Variants in ZNF609 observed in about 807,000 individuals in gnomAD.
ZNF609 encodes zinc finger protein 609.
Under a neutral mutation model 109.5 loss-of-function variants are expected in ZNF609, and 11 were observed. That is an observed-to-expected ratio of 0.10 (90% CI 0.06 to 0.17). The LOEUF (loss-of-function observed/expected upper bound fraction) is 0.17, where lower values mean the gene tolerates loss of function less well. Among genes scored for constraint, ZNF609 ranks in the 10% least tolerant of loss-of-function variants. The probability of loss-of-function intolerance (pLI) is 1.00; values close to 1 mark genes in which losing one functional copy is unlikely to be tolerated. For missense variants in ZNF609, 1,559 were observed against 1,772.4 expected (o/e 0.88, Z 2.16); for synonymous variants, 646 against 662.0 (o/e 0.98, Z 0.37).
At chr15:64,598,153 C>T in intron 2 of ZNF609, among the ~76,000 whole-genome samples, 1 of 152,204 alleles carries the variant, frequency 6.6e-6, no homozygotes, top group South Asian at 2.1e-4. Flanking sequence ...CTCGCTCTGT[C>T]ACCCAGGCTG....
chr15:64,588,199 C>A (rs1333462071), intron 2 of ZNF609, among the ~76,000 whole-genome samples: 2 of 148,270 alleles, frequency 1.3e-5, no homozygotes, highest in African/African-American at 2.5e-5. Flanking sequence ...GAGGCCGAGG[C>A]GGGCGGATCA....
chr15:64,576,949 C>CACATAAATAT (rs1894968490), intron 2 of ZNF609, among the ~76,000 whole-genome samples: 5 of 52,228 alleles, frequency 9.6e-5, no homozygotes, highest in South Asian at 4.7e-4. Context: ...TAAATATATA[C>CACATAAATAT]ATATATGTAT....
Position 64,541,421 on chromosome 15 carries a change from C to T in ZNF609, c.747+41255C>T, listed in dbSNP as rs1177565960. 1.4e-4 allele frequency among the ~76,000 whole-genome samples: 18 copies of T among 129,826 alleles called. 1 individual carries two copies. Among genetic ancestry groups the T allele is most frequent in the Non-Finnish European group, 2.2e-4 (14 of 62,640 alleles). 85.2% of individuals were successfully genotyped at this position (129,826 alleles called of 152,430 possible). A position where few individuals can be genotyped will look rare whatever the true frequency, so the allele number is the denominator to read the frequency against. On this transcript the variant is annotated intron_variant, in intron 2 of 9. Coordinates refer to ENST00000326648, the MANE Select transcript of ZNF609 (RefSeq NM_015042.2). ...CAGCCTGGGCGACAGAGCGAGACTCCGTCTCAAAAAAAAAAAAAAAAAAAG... is the reference window on the plus strand; with the variant it reads ...CAGCCTGGGCGACAGAGCGAGACTCTGTCTCAAAAAAAAAAAAAAAAAAAG...
At chr15:64,587,523 G>A (rs1389078488) in intron 2 of ZNF609, among the ~76,000 whole-genome samples, 4 of 152,128 alleles carry the variant, frequency 2.6e-5, no homozygotes, top group Admixed American at 2.6e-4. Context: ...GTGTATTTGT[G>A]TATTTTCTTG....
chr15:64,588,232 C>T lies in ZNF609; in HGVS notation c.748-34595C>T, dbSNP rs146533517. 9.8e-3 allele frequency among the ~76,000 whole-genome samples: 1,378 copies of T among 140,224 alleles called. 21 individuals carry two copies. Among genetic ancestry groups the T allele is most frequent in the African/African-American group, 0.034 (1,299 of 38,258 alleles). 92.0% of individuals were successfully genotyped at this position (140,224 alleles called of 152,430 possible). On this transcript the variant is annotated intron_variant, in intron 2 of 9. Transcript: ENST00000326648. ...TCACGAGGTCAGAAGATTGAGACCA[C>T]GGTGAAACCCCCGTCTCTACTAAAA...
At chr15:64,592,473 G>A (rs2140939552) in intron 2 of ZNF609, among the ~76,000 whole-genome samples, 2 of 152,272 alleles carry the variant, frequency 1.3e-5, no homozygotes, top group South Asian at 4.1e-4. Flanking sequence ...AGCTACTTGA[G>A]AGGCTAAGGC....
chr15:64,573,726 T>G (rs1894902120), intron 2 of ZNF609, among the ~76,000 whole-genome samples: 1 of 152,164 alleles, frequency 6.6e-6, no homozygotes, highest in South Asian at 2.1e-4. Context: ...TTCACCCTTG[T>G]CTATTTGGCA....
chr15:64,550,583 A>G (rs2140391914), intron 2 of ZNF609, among the ~76,000 whole-genome samples: 1 of 152,068 alleles, frequency 6.6e-6, no homozygotes, highest in East Asian at 1.9e-4. Context: ...ACAGTGACTC[A>G]TGCCTGTAAT....
At chr15:64,500,240 G>T in intron 2 of ZNF609, 74 bp downstream of exon 2, 1 of 1,555,506 alleles carries the variant, frequency 6.4e-7, no homozygotes, top group Non-Finnish European at 8.7e-7. Flanking sequence ...CAAATACTAT[G>T]TGTACTCTGT....
rs889024427 is a variant in ZNF609 at position 64,674,073 on chromosome 15, A to G, written c.1219A>G (p.Ser407Gly). ...CAGCAAAACCCGGGCAGGAGCCAAT[A>G]GCAAAGGCCGTCGGGGCAGCCAGAA... is the stretch of plus-strand genomic sequence containing the variant. The part of the protein sequence containing the change: ...NSSKTRAGAN[S>G]KGRRGSQNSS... The change falls in exon 5 of 10, where the codon AGC becomes GGC. Residue 407 changes from serine to glycine, a missense_variant. Transcript: ENST00000326648. The G allele has an allele frequency of 6.2e-7, 1 of 1,614,088 alleles. No individual in the cohort carries two copies. The highest frequency in any genetic ancestry group is 8.5e-7 in the Non-Finnish European group (1 of 1,180,044).
At chr15:64,543,255 C>CTTTTTTTTT (rs77646116) in intron 2 of ZNF609, among the ~76,000 whole-genome samples, 3 of 113,296 alleles carry the variant, frequency 2.6e-5, no homozygotes, top group East Asian at 2.4e-4. Context: ...TTTGTTGTTG[C>CTTTTTTTTT]TTTTTTTTTT....
chr15:64,479,747 C>T lies in ZNF609; in HGVS notation c.-128+18909C>T, dbSNP rs146841135. ...TAGCCTAGCCAATGTGGTGAAACCC[C>T]GTCTCTACTAAAAATACAAACATTA... On this transcript the variant is annotated intron_variant, in intron 1 of 9. Transcript: ENST00000326648. Among the ~76,000 whole-genome samples the T allele has an allele frequency of 7.0e-3, 1,064 of 151,958 alleles. 15 individuals carry two copies. The highest frequency in any genetic ancestry group is 0.025 in the African/African-American group (1,023 of 41,436).
intron 3 of ZNF609, among the ~76,000 whole-genome samples, chr15:64,655,291 A>G (rs1239185911): frequency 2.0e-5 from 3 of 151,628 alleles, no homozygotes; most frequent in Non-Finnish European, 4.4e-5. Context: ...TAAAAATACA[A>G]AATTAGCCGG....
chr15:64,527,829 C>T (rs141586588), intron 2 of ZNF609, among the ~76,000 whole-genome samples: 2 of 152,194 alleles, frequency 1.3e-5, no homozygotes, highest in Non-Finnish European at 2.9e-5. Flanking sequence ...TCTCTTGTAA[C>T]TTCCCCTCTT....
chr15:64,506,244 T>A (rs1462991558), intron 2 of ZNF609, among the ~76,000 whole-genome samples: 1 of 150,900 alleles, frequency 6.6e-6, no homozygotes, highest in East Asian at 2.0e-4. Context: ...TGCCTTAACC[T>A]CCAGAGTAGC....
rs1423205079 is a variant in ZNF609 at position 64,675,154 on chromosome 15, G to C, written c.2300G>C (p.Gly767Ala). The C allele has an allele frequency of 6.2e-6, 10 of 1,614,154 alleles. No homozygotes were observed. The highest frequency in any genetic ancestry group is 8.5e-6 in the Non-Finnish European group (10 of 1,180,032). Residue 767 changes from glycine to alanine, a missense_variant, in exon 5 of 10, where the codon GGG becomes GCG. Physicochemically the swap from Gly to Ala is moderately conservative, Grantham distance 60 (BLOSUM62 0). This residue lies in a region of ZNF609 where 1,204 missense variants were observed against 1,314.1 expected (regional missense o/e 0.92). Coordinates refer to ENST00000326648, the MANE Select transcript of ZNF609 (RefSeq NM_015042.2). The part of the protein sequence containing the change: ...KSPFRESSGD[G>A]MKMEGLLNGS... ...CCATTCAGGGAATCTTCAGGAGATG[G>C]GATGAAAATGGAGGGGCTCCTAAAT...
intron 1 of ZNF609, among the ~76,000 whole-genome samples, chr15:64,486,103 C>G (rs1893328945): frequency 6.6e-6 from 1 of 152,182 alleles, no homozygotes; most frequent in Non-Finnish European, 1.5e-5. Flanking sequence ...CTACTGTCCC[C>G]TTCTCCCATC....
At chr15:64,595,001 CAA>C (rs545783193) in intron 2 of ZNF609, among the ~76,000 whole-genome samples, 7 of 66,910 alleles carry the variant, frequency 1.0e-4, no homozygotes, top group Admixed American at 1.8e-4. Flanking sequence ...GGCTCCGTCT[CAA>C]AAAAAAAAAA....
chr15:64,631,218 A>C, intron 3 of ZNF609: 1 of 632,906 alleles, frequency 1.6e-6, no homozygotes, highest in Admixed American at 2.0e-5. Flanking sequence ...GTGAACCCAG[A>C]TGCCTTTCTC....
Sources: allele counts gnomAD v4.1 joint callset (sites outside exome capture counted in the v4.1 genomes callset), GRCh38; gene constraint gnomAD v4.1.1; regional missense constraint gnomAD v4.1.1; transcripts MANE v1.5; gene names NCBI Gene and HGNC (gene_info 2026-07-23, HGNC 2026-07-21).